HTRA3: variants seen among roughly 807,000 people sequenced by gnomAD.
HTRA3 encodes the protein serine protease HTRA3.
In HTRA3, 41 loss-of-function variants were observed where a neutral mutation model predicts 43.2. That is an observed-to-expected ratio of 0.95 (90% CI 0.74 to 1.23). HTRA3 has a LOEUF of 1.23. Among genes scored for constraint, HTRA3 ranks in the 50% most tolerant of loss-of-function variants. The pLI is 0.00. For missense variants in HTRA3, 628 were observed against 647.1 expected, an observed-to-expected ratio of 0.97 and a Z score of 0.32; for synonymous variants, 295 against 287.9, an observed-to-expected ratio of 1.02 and a Z score of -0.25.
intron 1 of HTRA3, 34 bp downstream of exon 1, chr4:8,270,387 T>G (rs1167754765): frequency 1.5e-6 from 2 of 1,373,844 alleles, no homozygotes; most frequent in Admixed American, 3.8e-5. Flanking sequence ...GAAGTGAAGC[T>G]TCTTTCTCTT....
At chr4:8,288,906 C>A (rs1713108719) in intron 3 of HTRA3, among the ~76,000 whole-genome samples, 1 of 145,456 alleles carries the variant, frequency 6.9e-6, no homozygotes, top group African/African-American at 2.6e-5. Flanking sequence ...TCCGTCCTTC[C>A]TTCCTTCCTT....
intron 6 of HTRA3, among the ~76,000 whole-genome samples, chr4:8,299,408 A>G (rs1334153616): frequency 6.6e-6 from 1 of 152,122 alleles, no homozygotes. Context: ...CAGATTTCCT[A>G]CATAGATGGC....
intron 2 of HTRA3, among the ~76,000 whole-genome samples, chr4:8,285,442 C>G (rs1712917827): frequency 6.6e-6 from 1 of 152,060 alleles, no homozygotes; most frequent in Non-Finnish European, 1.5e-5. Flanking sequence ...GCCAGACGCT[C>G]CCATCCCTCC....
At chr4:8,283,265 C>T (rs1218685476) in intron 2 of HTRA3, among the ~76,000 whole-genome samples, 2 of 152,170 alleles carry the variant, frequency 1.3e-5, no homozygotes, top group African/African-American at 4.8e-5. Context: ...TGTCCCAGCC[C>T]CGTAGAGGAA....
At chr4:8,305,412 G>A (rs1235031514) in intron 8 of HTRA3, among the ~76,000 whole-genome samples, 1 of 152,264 alleles carries the variant, frequency 6.6e-6, no homozygotes, top group Non-Finnish European at 1.5e-5. Flanking sequence ...ACAGGTGGAG[G>A]GACTGAGGTT....
At chr4:8,280,527 C>T (rs545154457) in intron 1 of HTRA3, among the ~76,000 whole-genome samples, 23 of 152,308 alleles carry the variant, frequency 1.5e-4, no homozygotes, top group African/African-American at 3.1e-4. Context: ...GCTGCCCACT[C>T]GGGCCGCACG....
At chr4:8,280,749 G>A (rs932841321) in intron 1 of HTRA3, among the ~76,000 whole-genome samples, 2 of 152,166 alleles carry the variant, frequency 1.3e-5, no homozygotes, top group Non-Finnish European at 2.9e-5. Flanking sequence ...GCGTCTCCCA[G>A]CCAGGCTCTA....
chr4:8,298,693 A>C (rs1713539352), intron 6 of HTRA3, among the ~76,000 whole-genome samples: 1 of 152,224 alleles, frequency 6.6e-6, no homozygotes. Context: ...TGCAAAGTAT[A>C]GATCGAGGTT....
chr4:8,296,547 A>G lies in HTRA3; in HGVS notation c.1051+2346A>G, dbSNP rs1383078987. The G allele has an allele frequency of 1.0e-6, 1 of 984,710 alleles. No individual in the cohort carries two copies. The highest frequency in any genetic ancestry group is 1.2e-6 in the Non-Finnish European group (1 of 829,408). The allele number at this position is 984,710 out of a possible 1,614,324, so 61.0% of individuals were successfully genotyped here. A position where few individuals can be genotyped will look rare whatever the true frequency, so the allele number is the denominator to read the frequency against. On this transcript the variant is annotated intron_variant, in intron 6 of 8. Coordinates refer to ENST00000307358, the MANE Select transcript of HTRA3 (RefSeq NM_053044.5). The surrounding 1 kb of genome is among the most constrained non-coding windows in gnomAD (Gnocchi z 5.3). ...CAAGGAGATGTTAAGTGCATTTATT[A>G]TTCTCGTCTGGAGGTGGGGTGCAGA... is the stretch of plus-strand genomic sequence containing the variant.
intron 1 of HTRA3, 95 bp from the exon 2 acceptor site, chr4:8,282,342 G>A (rs1712781218): frequency 5.1e-6 from 5 of 978,400 alleles, no homozygotes; most frequent in Admixed American, 2.0e-5. Flanking sequence ...GGGGTCTCAG[G>A]AAGAGCCTCC....
intron 1 of HTRA3, among the ~76,000 whole-genome samples, chr4:8,271,526 G>A (rs1398787439): frequency 1.3e-5 from 2 of 152,210 alleles, no homozygotes; most frequent in Non-Finnish European, 2.9e-5. Flanking sequence ...CCACCGCAGG[G>A]TTTGGCGGGG....
intron 7 of HTRA3, among the ~76,000 whole-genome samples, chr4:8,303,752 A>G (rs562231245): frequency 3.9e-5 from 6 of 152,022 alleles, no homozygotes; most frequent in South Asian, 4.2e-4. Flanking sequence ...TTGTCTGTTC[A>G]TTCCATGACT....
At chr4:8,273,695 C>T (rs1459637999) in intron 1 of HTRA3, among the ~76,000 whole-genome samples, 2 of 152,106 alleles carry the variant, frequency 1.3e-5, no homozygotes, top group Non-Finnish European at 2.9e-5. Flanking sequence ...AGGAGCACCA[C>T]GATGTTCAGT....
At chr4:8,275,987 G>T (rs973902210) in intron 1 of HTRA3, among the ~76,000 whole-genome samples, 1 of 152,196 alleles carries the variant, frequency 6.6e-6, no homozygotes, top group Non-Finnish European at 1.5e-5. Context: ...GGTGGGACAG[G>T]GTTTAAAATC....
intron 6 of HTRA3, 27 bp downstream of exon 6, chr4:8,294,228 G>A (rs544134280): frequency 6.6e-7 from 1 of 1,506,400 alleles, no homozygotes; most frequent in Admixed American, 1.7e-5. Context: ...GAGGGGGCCA[G>A]AGGCAGGGGG....
chr4:8,296,536 G>C lies in HTRA3; in HGVS notation c.1051+2335G>C. On this transcript the variant is annotated intron_variant, in intron 6 of 8. Coordinates refer to ENST00000307358, the MANE Select transcript of HTRA3 (RefSeq NM_053044.5). The surrounding 1 kb of genome is among the most constrained non-coding windows in gnomAD (Gnocchi z 5.3). ...TTTTATTAAATCAAGGAGATGTTAA[G>C]TGCATTTATTATTCTCGTCTGGAGG... The C allele has an allele frequency of 3.0e-6, 3 of 985,128 alleles. No homozygotes were observed. The highest frequency in any genetic ancestry group is 3.6e-6 in the Non-Finnish European group (3 of 829,684). 61.0% of individuals were successfully genotyped at this position (985,128 alleles called of 1,614,324 possible).
chr4:8,296,012 C>T lies in HTRA3; in HGVS notation c.1051+1811C>T. Reference sequence around the variant, plus strand: ...CTCAGAGCTAGATTCAGGGGTGCACCCAGACCTGTCCTAGCATGCTCCTTT... The same window carrying T: ...CTCAGAGCTAGATTCAGGGGTGCACTCAGACCTGTCCTAGCATGCTCCTTT... On this transcript the variant is annotated intron_variant, in intron 6 of 8. Coordinates refer to ENST00000307358, the MANE Select transcript of HTRA3 (RefSeq NM_053044.5). The surrounding 1 kb of genome is among the most constrained non-coding windows in gnomAD (Gnocchi z 5.3). 1 of 1,175,416 alleles carries T rather than the reference C, an allele frequency of 8.5e-7. No individual in the cohort carries two copies. The highest frequency in any genetic ancestry group is 1.1e-6 in the Non-Finnish European group (1 of 952,046). The allele number at this position is 1,175,416 out of a possible 1,614,324, so 72.8% of individuals were successfully genotyped here.
intron 1 of HTRA3, among the ~76,000 whole-genome samples, chr4:8,280,220 G>A (rs1279175604): frequency 1.3e-5 from 2 of 152,180 alleles, no homozygotes; most frequent in Non-Finnish European, 2.9e-5. Context: ...GTGCCCTGGC[G>A]CTTCTCCTCA....
At chr4:8,284,563 A>G (rs1193036393) in intron 2 of HTRA3, among the ~76,000 whole-genome samples, 1 of 152,150 alleles carries the variant, frequency 6.6e-6, no homozygotes, top group African/African-American at 2.4e-5. Context: ...AGCCGCGGGC[A>G]TTTTCTGCAG....
Sources: allele counts gnomAD v4.1 joint callset (sites outside exome capture counted in the v4.1 genomes callset), GRCh38; gene constraint gnomAD v4.1.1; non-coding constraint Gnocchi (gnomAD v3.1); transcripts MANE v1.5; gene names NCBI Gene and HGNC (gene_info 2026-07-23, HGNC 2026-07-21).